Variants in SPATA6 observed in about 807,000 individuals in gnomAD.
SPATA6 encodes the protein spermatogenesis associated 6.
In SPATA6, 56 loss-of-function variants were observed where a neutral mutation model predicts 65.3. The ratio of observed to expected loss-of-function variants is 0.86; its 90% CI spans 0.69 to 1.07. SPATA6 has a LOEUF of 1.07. Among genes scored for constraint, SPATA6 ranks in the 50% least tolerant of loss-of-function variants. The pLI, the probability that SPATA6 is intolerant of heterozygous loss-of-function variation, is 0.00. For missense variants in SPATA6, 590 were observed against 594.8 expected (o/e 0.99, Z 0.08); for synonymous variants, 199 against 213.2 (o/e 0.93, Z 0.58).
At chr1:48,440,531 C>A (rs1272389212) in intron 3 of SPATA6, among the ~76,000 whole-genome samples, 1 of 152,200 alleles carries the variant, frequency 6.6e-6, no homozygotes, top group African/African-American at 2.4e-5. Context: ...TGAATCCCCA[C>A]TGGGACGTCG....
chr1:48,284,240 G>A, the SPATA6 span, among the ~76,000 whole-genome samples: 1 of 152,068 alleles, frequency 6.6e-6, no homozygotes, highest in Non-Finnish European at 1.5e-5. Context: ...ACTTGTGTAT[G>A]ATTCAGGAAG....
At chr1:48,316,844 C>G (rs1031770514) in intron 11 of SPATA6, among the ~76,000 whole-genome samples, 1 of 152,072 alleles carries the variant, frequency 6.6e-6, no homozygotes, top group Non-Finnish European at 1.5e-5. Context: ...AAGAAAAAAA[C>G]AACCCCATCA....
intron 1 of SPATA6, among the ~76,000 whole-genome samples, chr1:48,460,069 C>G (rs1657312502): frequency 6.6e-6 from 1 of 151,902 alleles, no homozygotes; most frequent in Non-Finnish European, 1.5e-5. Context: ...CTCCTGGGCT[C>G]CAGGAATCCT....
intron 3 of SPATA6, among the ~76,000 whole-genome samples, chr1:48,414,244 A>C (rs1173479008): frequency 1.3e-5 from 2 of 152,220 alleles, no homozygotes; most frequent in Non-Finnish European, 2.9e-5. Context: ...CTAGGTTCTC[A>C]CTATAAATAC....
intron 3 of SPATA6, among the ~76,000 whole-genome samples, chr1:48,450,565 A>T (rs1656472000): frequency 6.6e-6 from 1 of 152,226 alleles, no homozygotes; most frequent in African/African-American, 2.4e-5. Flanking sequence ...ATTAAAATTC[A>T]TATATCCATT....
At chr1:48,319,260 G>A (rs1449071015) in intron 11 of SPATA6, among the ~76,000 whole-genome samples, 1 of 151,986 alleles carries the variant, frequency 6.6e-6, no homozygotes, top group Non-Finnish European at 1.5e-5. Context: ...TAGAAAAGTT[G>A]GATTTCATCA....
At chr1:48,406,269 C>T (rs1157887487) in intron 5 of SPATA6, among the ~76,000 whole-genome samples, 1 of 152,106 alleles carries the variant, frequency 6.6e-6, no homozygotes, top group Non-Finnish European at 1.5e-5. Context: ...CATCAGTAAA[C>T]CTCAGATTTT....
chr1:48,279,137 A>AT, the SPATA6 span, among the ~76,000 whole-genome samples: 1 of 152,312 alleles, frequency 6.6e-6, no homozygotes, highest in East Asian at 1.9e-4. Context: ...ATGCTGAGAG[A>AT]TTTTGTCACC....
chr1:48,277,769 A>C, the SPATA6 span, among the ~76,000 whole-genome samples: 2 of 152,206 alleles, frequency 1.3e-5, no homozygotes, highest in Non-Finnish European at 2.9e-5. Flanking sequence ...ACAAACAAAA[A>C]GACAGCAGTA....
At position 48,472,125 on chromosome 1, in the gene SPATA6, G is replaced by C. The variant is rs993181060; in HGVS notation, c.-117C>G. 116 of 794,702 alleles carry C rather than the reference G, an allele frequency of 1.5e-4. No individual in the cohort carries two copies. Among genetic ancestry groups the C allele is most frequent in the Non-Finnish European group, 1.8e-4 (99 of 535,320 alleles). 49.2% of individuals were successfully genotyped at this position (794,702 alleles called of 1,614,324 possible). ...AGGTGGCGGCGGCGGTGGCAGCAGT[G>C]GCCCCCAGGCCGGGGCCCGCGGTCC... is the stretch of plus-strand genomic sequence containing the variant. On this transcript the variant is annotated 5_prime_UTR_variant, in exon 1 of 13. Coordinates refer to ENST00000371847, the MANE Select transcript of SPATA6 (RefSeq NM_019073.4).
chr1:48,458,339 G>A (rs939013723), intron 1 of SPATA6, among the ~76,000 whole-genome samples: 1 of 152,004 alleles, frequency 6.6e-6, no homozygotes, highest in African/African-American at 2.4e-5. Flanking sequence ...CTATTTTTTG[G>A]CCATAAAAAG....
chr1:48,373,614 TG>T (rs1647552886), intron 9 of SPATA6, among the ~76,000 whole-genome samples: 2 of 152,204 alleles, frequency 1.3e-5, no homozygotes, highest in Non-Finnish European at 2.9e-5. Context: ...TGTATTAATC[TG>T]TTTTCCACTG....
chr1:48,425,513 C>T (rs535349730), intron 3 of SPATA6, among the ~76,000 whole-genome samples: 45 of 152,204 alleles, frequency 3.0e-4, no homozygotes, highest in Non-Finnish European at 4.4e-4. Context: ...CTAAGGCAAT[C>T]TTCAAAAAGA....
chr1:48,451,253 CACT>C (rs1656543412), intron 3 of SPATA6, among the ~76,000 whole-genome samples: 1 of 152,136 alleles, frequency 6.6e-6, no homozygotes, highest in Non-Finnish European at 1.5e-5. Context: ...AAATTTCTGT[CACT>C]ATATCACAAA....
rs58721253 is a variant in SPATA6 at position 48,340,241 on chromosome 1, T to TAAAAAAAAAA, written c.1194+15419_1194+15428dup. On this transcript the variant is annotated intron_variant, in intron 11 of 12. Coordinates refer to ENST00000371847, the MANE Select transcript of SPATA6 (RefSeq NM_019073.4). The stretch of plus-strand genomic sequence containing the variant: ...AAAATTATCCACAGTAGGCCTGCAC[T>TAAAAAAAAAA]AAAAAAAAAAAAAAAAAAAAAAAAA... Among the ~76,000 whole-genome samples, 13 of 53,054 alleles carry TAAAAAAAAAA rather than the reference T, an allele frequency of 2.5e-4. 1 individual carries two copies. Among genetic ancestry groups the TAAAAAAAAAA allele is most frequent in the African/African-American group, 1.5e-3 (9 of 5,906 alleles). 34.8% of individuals were successfully genotyped at this position (53,054 alleles called of 152,430 possible).
At chr1:48,382,391 A>C (rs1469356266) in intron 9 of SPATA6, among the ~76,000 whole-genome samples, 2 of 124,706 alleles carry the variant, frequency 1.6e-5, no homozygotes, top group African/African-American at 6.4e-5. Context: ...GGGGCTCCTC[A>C]CTTCCCAGTA....
chr1:48,267,900 C>T, the SPATA6 span, among the ~76,000 whole-genome samples: 2 of 151,350 alleles, frequency 1.3e-5, no homozygotes, highest in Non-Finnish European at 2.9e-5. Context: ...CACAGGTGCC[C>T]GCCACCACGC....
At chr1:48,383,279 C>T (rs1446843871) in intron 9 of SPATA6, among the ~76,000 whole-genome samples, 1 of 47,322 alleles carries the variant, frequency 2.1e-5, no homozygotes, top group African/African-American at 6.1e-5. Flanking sequence ...CCTCACCTCC[C>T]GGACGGGGCG....
Position 48,355,691 on chromosome 1 carries a change from C to G in SPATA6, c.1173G>C (p.Gln391His), listed in dbSNP as rs1421322407. Residue 391 changes from glutamine (Q) to histidine (H), a missense_variant, in exon 11 of 13, where the codon CAG becomes CAC. Gln to His is a conservative substitution (Grantham distance 24). Coordinates refer to ENST00000371847, the MANE Select transcript of SPATA6 (RefSeq NM_019073.4). ...DRVKNVLKSH[Q>H]AHQRHLYDER... ...TAACATATAAATGTCTTTGATGAGC[C>G]TGATGTGATTTCAAGACATTTTTTA... 1 of 1,612,268 alleles carries G rather than the reference C, an allele frequency of 6.2e-7. No individual in the cohort carries two copies. Among genetic ancestry groups the G allele is most frequent in the African/African-American group, 1.3e-5 (1 of 74,802 alleles).
Sources: gnomAD v4.1 joint callset for allele counts (sites outside exome capture counted in the v4.1 genomes callset) on GRCh38, gnomAD v4.1.1 for gene constraint, MANE v1.5 for transcripts, NCBI Gene and HGNC (gene_info 2026-07-23, HGNC 2026-07-21) for gene names.